The following KLHDC4 variants were observed in gnomAD, a reference collection of about 807,000 sequenced individuals.
The protein encoded by KLHDC4 is kelch domain-containing protein 4.
Under a neutral mutation model 62.4 loss-of-function variants are expected in KLHDC4, and 90 were observed. The ratio of observed to expected loss-of-function variants is 1.44; its 90% CI spans 1.22 to 1.72. The LOEUF (loss-of-function observed/expected upper bound fraction) is 1.72. KLHDC4 is among the 40% of genes most tolerant of loss of function. The pLI is 0.00. For synonymous variants in KLHDC4, 386 were observed against 284.4 expected (o/e 1.36, Z -3.59); for missense variants, 1,025 against 699.7 (o/e 1.47, Z -5.25).
At chr16:87,710,162 T>G (rs2035509105) in intron 9 of KLHDC4, 1 of 159,908 alleles carries the variant, frequency 6.3e-6, no homozygotes, top group African/African-American at 2.4e-5. Context: ...GGGCCCTTCC[T>G]CACCAAACGT....
chr16:87,755,355 C>A lies in KLHDC4; in HGVS notation c.271-63G>T, dbSNP rs1597375261. 55 of 851,356 alleles carry A rather than the reference C, an allele frequency of 6.5e-5. No individual in the cohort carries two copies. In the South Asian group the frequency reaches 7.4e-4, roughly 11 times the overall value. The allele number at this position is 851,356 out of a possible 1,614,324, so 52.7% of individuals were successfully genotyped here. On this transcript the variant is annotated intron_variant, in intron 3 of 11. Coordinates refer to ENST00000270583, the MANE Select transcript of KLHDC4 (RefSeq NM_017566.4). Reference sequence around the variant, plus strand: ...TACGCTTCCAAGGAAGTGGTGAGAACAATCTTAATCATGACAATTCCCTGG... The same window carrying A: ...TACGCTTCCAAGGAAGTGGTGAGAAAAATCTTAATCATGACAATTCCCTGG...
chr16:87,715,642 T>C (rs2036812176), intron 7 of KLHDC4, among the ~76,000 whole-genome samples: 1 of 152,180 alleles, frequency 6.6e-6, no homozygotes, highest in Non-Finnish European at 1.5e-5. Context: ...GTCTGCTGTC[T>C]TTCTCATTAG....
At chr16:87,765,684 G>T in intron 1 of KLHDC4, 108 bp downstream of exon 1, 2 of 1,082,516 alleles carry the variant, frequency 1.8e-6, no homozygotes, top group South Asian at 1.6e-5. Flanking sequence ...TCTCCCGCAG[G>T]GCCGGCGCGG....
chr16:87,706,141 G>GA, downstream of KLHDC4, among the ~76,000 whole-genome samples: 1 of 142,462 alleles, frequency 7.0e-6, no homozygotes, highest in South Asian at 2.3e-4. Flanking sequence ...TGCAGCCCTC[G>GA]CGGGGGGGTC....
chr16:87,723,732 C>T (rs2038856380), intron 7 of KLHDC4, among the ~76,000 whole-genome samples: 1 of 152,274 alleles, frequency 6.6e-6, no homozygotes, highest in Non-Finnish European at 1.5e-5. Flanking sequence ...ATTGCCAAGG[C>T]AGCAGAATGA....
chr16:87,744,598 A>T (rs1194142269), intron 5 of KLHDC4, among the ~76,000 whole-genome samples: 3 of 151,938 alleles, frequency 2.0e-5, no homozygotes, highest in Non-Finnish European at 2.9e-5. Flanking sequence ...AAAAAAAAAT[A>T]GAATTTGAAA....
intron 8 of KLHDC4, 29 bp from the exon 9 acceptor site, chr16:87,711,472 A>G: frequency 1.9e-6 from 3 of 1,578,930 alleles, no homozygotes; most frequent in Middle Eastern, 1.8e-4. Context: ...GAAGTGGGAT[A>G]AGAACACAAG....
At chr16:87,762,285 G>A (rs1567844863) in intron 1 of KLHDC4, 3 of 609,820 alleles carry the variant, frequency 4.9e-6, no homozygotes, top group East Asian at 7.9e-5. Context: ...CACCCTTAAC[G>A]CTCCCTCTGC....
At chr16:87,706,182 G>C (rs1403033404), downstream of KLHDC4, among the ~76,000 whole-genome samples, 2 of 91,582 alleles carry the variant, frequency 2.2e-5, no homozygotes, top group African/African-American at 3.8e-5. Context: ...TGCAGCCCTC[G>C]GGGGGGGGTC....
chr16:87,746,405 G>C (rs2043048223), intron 5 of KLHDC4, among the ~76,000 whole-genome samples: 1 of 152,034 alleles, frequency 6.6e-6, no homozygotes. Flanking sequence ...GAGAGAAAGA[G>C]AGTGAGAGAA....
At chr16:87,764,646 C>CCAAAAAAAAA (rs2046347584) in intron 1 of KLHDC4, among the ~76,000 whole-genome samples, 1 of 33,816 alleles carries the variant, frequency 3.0e-5, no homozygotes, top group Non-Finnish European at 5.3e-5. Context: ...GAAACTCCTT[C>CCAAAAAAAAA]AAAAAAAAAA....
Position 87,711,288 on chromosome 16 carries a change from C to A in KLHDC4, c.991G>T (p.Asp331Tyr), listed in dbSNP as rs56821624. ...CTGGTGGCGTCGTAGAAGTACAGATCGTTGAAGAACTCGCCCGACAGGCTC... is the reference window on the plus strand; with the variant it reads ...CTGGTGGCGTCGTAGAAGTACAGATAGTTGAAGAACTCGCCCGACAGGCTC... ...EESLSGEFFN[D>Y]LYFYDATRNR... Residue 331 changes from aspartate (D) to tyrosine (Y), a missense_variant, in exon 9 of 12, where the codon GAT becomes TAT. Transcript: ENST00000270583. 1.4e-3 allele frequency: 2,274 copies of A among 1,614,102 alleles called. 28 individuals carry two copies. The African/African-American group carries it at 0.025, about 18-fold the overall frequency.
chr16:87,727,348 G>C, intron 6 of KLHDC4, among the ~76,000 whole-genome samples: 1 of 152,212 alleles, frequency 6.6e-6, no homozygotes, highest in Non-Finnish European at 1.5e-5. Flanking sequence ...AATTCCATTA[G>C]GTTATTAGGT....
intron 1 of KLHDC4, 171 bp from the exon 2 acceptor site, chr16:87,762,211 C>A (rs1325431573): frequency 7.2e-7 from 1 of 1,381,896 alleles, no homozygotes; most frequent in Non-Finnish European, 9.5e-7. Context: ...TCGAAAGTAA[C>A]CAGAGCTTGA....
intron 6 of KLHDC4, 113 bp downstream of exon 6, chr16:87,730,439 C>G: frequency 2.2e-6 from 2 of 889,042 alleles, no homozygotes; most frequent in Non-Finnish European, 3.4e-6. Context: ...GCTCATGAAG[C>G]TGGATTTGGG....
chr16:87,749,229 A>G (rs972088222), intron 4 of KLHDC4, among the ~76,000 whole-genome samples: 1 of 151,970 alleles, frequency 6.6e-6, no homozygotes, highest in African/African-American at 2.4e-5. Context: ...TGCCAACTAA[A>G]TTAGCCTCAG....
At chr16:87,737,417 G>A (rs1487067920) in intron 5 of KLHDC4, among the ~76,000 whole-genome samples, 2 of 151,678 alleles carry the variant, frequency 1.3e-5, no homozygotes, top group East Asian at 2.0e-4. Flanking sequence ...GTGAAACCCC[G>A]ACTCTCCTAA....
At position 87,714,628 on chromosome 16, in the gene KLHDC4, A is replaced by G. The variant is rs759734848; in HGVS notation, c.760-55T>C. ...GGGGGCAGCTACAGTGGTTGCTTAC[A>G]GACCCCCCAACCCTGTGGGCGCATT... On this transcript the variant is annotated intron_variant, in intron 7 of 11. Transcript: ENST00000270583. 57 of 1,589,000 alleles carry G rather than the reference A, an allele frequency of 3.6e-5. No homozygotes were observed. The Middle Eastern group carries it at 1.2e-3, about 32-fold the overall frequency.
intron 5 of KLHDC4, among the ~76,000 whole-genome samples, chr16:87,733,161 C>G (rs916872395): frequency 3.3e-5 from 5 of 151,886 alleles, no homozygotes; most frequent in African/African-American, 4.8e-5. Context: ...ATCCCAGCTT[C>G]TACAGGTGAA....
Sources: allele counts gnomAD v4.1 joint callset (sites outside exome capture counted in the v4.1 genomes callset), GRCh38; gene constraint gnomAD v4.1.1; transcripts MANE v1.5; gene names NCBI Gene and HGNC (gene_info 2026-07-23, HGNC 2026-07-21).